Variants in FSTL5 observed in about 807,000 individuals in gnomAD.
FSTL5 encodes the protein follistatin like 5, also known as follistatin-related protein 5.
In FSTL5, 62 loss-of-function variants were observed where a neutral mutation model predicts 89.1. That is an observed-to-expected ratio of 0.70 (90% CI 0.57 to 0.86). The LOEUF (loss-of-function observed/expected upper bound fraction) is 0.86. FSTL5 is among the 40% of genes least tolerant of loss of function. The pLI, the probability that FSTL5 is intolerant of heterozygous loss-of-function variation, is 0.00. For synonymous variants in FSTL5, 383 were observed against 346.2 expected, an observed-to-expected ratio of 1.11 and a Z score of -1.18; for missense variants, 1,057 against 1,001.6, an observed-to-expected ratio of 1.06 and a Z score of -0.75.
chr4:161,467,965 A>G (rs575760572), intron 13 of FSTL5, among the ~76,000 whole-genome samples: 11 of 152,174 alleles, frequency 7.2e-5, no homozygotes, highest in Non-Finnish European at 1.6e-4. Context: ...CTCAGAAAGA[A>G]TACTACACAG....
intron 4 of FSTL5, among the ~76,000 whole-genome samples, chr4:161,861,599 A>G (rs1731918368): frequency 6.6e-6 from 1 of 152,150 alleles, no homozygotes; most frequent in Non-Finnish European, 1.5e-5. Context: ...CAGCAGTCCA[A>G]TTTTGGGTAA....
rs563918816 is a variant in FSTL5, at chr4:162,011,924, T to C, written c.160+21701A>G. 1.1e-4 allele frequency among the ~76,000 whole-genome samples: 17 copies of C among 152,336 alleles called. 1 individual carries two copies. The Middle Eastern group carries it at 0.017, about 152-fold the overall frequency. On this transcript the variant is annotated intron_variant, in intron 3 of 15. Transcript: ENST00000306100. Reference sequence around the variant, plus strand: ...TATTTATTATTCTTCTCTAGAGTCTTGTTTATTCTGTCATTACATTTCTCT... The same window carrying C: ...TATTTATTATTCTTCTCTAGAGTCTCGTTTATTCTGTCATTACATTTCTCT...
At chr4:162,060,298 CTCAG>C (rs1387084829) in intron 2 of FSTL5, among the ~76,000 whole-genome samples, 1 of 152,010 alleles carries the variant, frequency 6.6e-6, no homozygotes, top group Non-Finnish European at 1.5e-5. Context: ...AAATCAGTGA[CTCAG>C]TCGGTGAAAC....
chr4:161,388,352 A>C (rs1338605621), intron 15 of FSTL5: 1 of 152,054 alleles, frequency 6.6e-6, no homozygotes, highest in Non-Finnish European at 1.5e-5. Context: ...ATAATTACTT[A>C]TATTTTCATT....
At chr4:161,743,013 G>A (rs1013182201) in intron 6 of FSTL5, among the ~76,000 whole-genome samples, 1 of 151,984 alleles carries the variant, frequency 6.6e-6, no homozygotes, top group African/African-American at 2.4e-5. Context: ...TCCTTGGGTG[G>A]TCTTTTCACT....
chr4:161,598,928 T>A (rs1307548695), intron 7 of FSTL5, among the ~76,000 whole-genome samples: 2 of 152,126 alleles, frequency 1.3e-5, no homozygotes, highest in East Asian at 3.9e-4. Context: ...GGAATTTGGA[T>A]ATTGGATGAC....
Position 161,818,629 on chromosome 4 carries a change from C to T in FSTL5, c.410-42555G>A, listed in dbSNP as rs576758551. Among the ~76,000 whole-genome samples the T allele has an allele frequency of 5.3e-5, 8 of 152,312 alleles. No individual in the cohort carries two copies. The East Asian group carries it at 1.4e-3, about 26-fold the overall frequency. On this transcript the variant is annotated intron_variant, in intron 4 of 15. Coordinates refer to ENST00000306100, the MANE Select transcript of FSTL5 (RefSeq NM_020116.5). ...TGGGGCATTGTAGAAGTGAGCCACA[C>T]CCCCATTGCACGCACTGCGATGGGG...
chr4:162,000,419 C>T (rs1166795153), intron 3 of FSTL5, among the ~76,000 whole-genome samples: 1 of 151,612 alleles, frequency 6.6e-6, no homozygotes, highest in African/African-American at 2.4e-5. Flanking sequence ...GATGAAACCC[C>T]ATCTCTACTA....
At chr4:161,802,920 G>T (rs973132923) in intron 4 of FSTL5, among the ~76,000 whole-genome samples, 11 of 151,808 alleles carry the variant, frequency 7.2e-5, no homozygotes, top group African/African-American at 2.2e-4. Context: ...TTTTTGAAAA[G>T]TAATTTTCTC....
rs1004918431 is a variant in FSTL5, at chr4:161,435,219, A to T, written c.1841+19785T>A. Among the ~76,000 whole-genome samples the T allele has an allele frequency of 1.4e-4, 22 of 152,142 alleles. 1 individual carries two copies. Among genetic ancestry groups the T allele is most frequent in the Non-Finnish European group, 4.4e-5 (3 of 68,006 alleles). On this transcript the variant is annotated intron_variant, in intron 15 of 15. Transcript: ENST00000306100. ...ATGGATAAAGAAAATGTACAAATAC[A>T]CAATGAAGTACTAATCAGTTATAAA...
intron 4 of FSTL5, among the ~76,000 whole-genome samples, chr4:161,866,266 CTT>C (rs1006718361): frequency 6.6e-6 from 1 of 152,050 alleles, no homozygotes; most frequent in African/African-American, 2.4e-5. Flanking sequence ...AACCCAAAAA[CTT>C]TTTGTCTCTT....
intron 3 of FSTL5, chr4:162,022,728 T>G (rs1026486239): frequency 6.6e-6 from 1 of 152,134 alleles, no homozygotes; most frequent in African/African-American, 2.4e-5. Flanking sequence ...TATGACTTAA[T>G]CCCCAGGATT....
intron 3 of FSTL5, among the ~76,000 whole-genome samples, chr4:161,951,688 A>C (rs1170650188): frequency 1.3e-5 from 2 of 152,120 alleles, no homozygotes; most frequent in Non-Finnish European, 2.9e-5. Flanking sequence ...TATTATACAT[A>C]ATTGTATAAC....
chr4:161,913,632 A>G (rs1733759915), intron 4 of FSTL5, among the ~76,000 whole-genome samples: 4 of 152,150 alleles, frequency 2.6e-5, no homozygotes, highest in Admixed American at 2.6e-4. Context: ...AGCAGCCAGG[A>G]GGGAGTCTGT....
intron 8 of FSTL5, among the ~76,000 whole-genome samples, chr4:161,575,537 T>G (rs546660570): frequency 2.5e-4 from 38 of 152,154 alleles, no homozygotes; most frequent in African/African-American, 9.2e-4. Context: ...CACTGAAACC[T>G]CTGCCCCCTG....
chr4:161,567,223 G>A (rs964430736), intron 8 of FSTL5, among the ~76,000 whole-genome samples: 7 of 151,904 alleles, frequency 4.6e-5, no homozygotes, highest in Admixed American at 4.6e-4. Context: ...ATCTGAGAAA[G>A]CATCTAGCAG....
At chr4:161,646,265 A>ATC (rs1032914114) in intron 7 of FSTL5, among the ~76,000 whole-genome samples, 8 of 148,680 alleles carry the variant, frequency 5.4e-5, no homozygotes, top group Non-Finnish European at 1.2e-4. Context: ...CTCTCTATAT[A>ATC]TCTCATATAT....
intron 10 of FSTL5, among the ~76,000 whole-genome samples, chr4:161,535,480 T>C (rs79676804): frequency 0.034 from 5,115 of 152,110 alleles, 165 homozygotes; most frequent in East Asian, 0.15. Context: ...TGAAAAATGC[T>C]CCACGTCATC....
chr4:161,997,856 G>A (rs1452544011), intron 3 of FSTL5, among the ~76,000 whole-genome samples: 2 of 151,734 alleles, frequency 1.3e-5, no homozygotes, highest in Non-Finnish European at 2.9e-5. Context: ...CGCCCACCTC[G>A]GCCTCCCAAA....
Sources: gnomAD v4.1 joint callset for allele counts (sites outside exome capture counted in the v4.1 genomes callset) on GRCh38, gnomAD v4.1.1 for gene constraint, MANE v1.5 for transcripts, NCBI Gene and HGNC (gene_info 2026-07-23, HGNC 2026-07-21) for gene names.